RAB3C: variants seen among roughly 807,000 people sequenced by gnomAD.
RAB3C encodes RAB3C, member RAS oncogene family.
A neutral mutation model predicts 26.4 loss-of-function variants in RAB3C; 17 were observed. The observed-to-expected ratio is 0.64, with a 90% CI of 0.44 to 0.97. RAB3C has a LOEUF of 0.97. Ranked by LOEUF, RAB3C falls within the 50% of genes least tolerant of loss-of-function variation. The probability of loss-of-function intolerance (pLI) is 0.00; values close to 1 mark genes in which losing one functional copy is unlikely to be tolerated. For missense variants in RAB3C, 242 were observed against 281.9 expected (o/e 0.86, Z 1.01); for synonymous variants, 91 against 95.9 (o/e 0.95, Z 0.30).
intron 4 of RAB3C, among the ~76,000 whole-genome samples, chr5:58,850,752 A>C (rs1342819830): frequency 1.3e-5 from 2 of 152,224 alleles, no homozygotes; most frequent in East Asian, 3.8e-4. Context: ...AAGAGTCTAC[A>C]TGGTGCGCTA....
At chr5:58,745,518 C>T (rs1741385861) in intron 3 of RAB3C, among the ~76,000 whole-genome samples, 1 of 151,940 alleles carries the variant, frequency 6.6e-6, no homozygotes, top group Admixed American at 6.6e-5. Flanking sequence ...CTGATACTTC[C>T]ATTCTTCCAT....
intron 3 of RAB3C, among the ~76,000 whole-genome samples, chr5:58,743,565 G>A (rs1741326799): frequency 6.6e-6 from 1 of 151,930 alleles, no homozygotes; most frequent in South Asian, 2.1e-4. Context: ...CTCCCCCTTG[G>A]CCCCCAGCTC....
intron 2 of RAB3C, among the ~76,000 whole-genome samples, chr5:58,696,608 T>G (rs1341899198): frequency 6.6e-6 from 1 of 152,218 alleles, no homozygotes; most frequent in African/African-American, 2.4e-5. Context: ...AGCCTGTTAT[T>G]GGTCTATTCA....
chr5:58,665,943 G>T (rs904281681), intron 2 of RAB3C, among the ~76,000 whole-genome samples: 23 of 152,096 alleles, frequency 1.5e-4, no homozygotes, highest in Non-Finnish European at 3.1e-4. Flanking sequence ...GGAGTCAGTG[G>T]GAAACGTGCA....
chr5:58,785,373 G>A lies in RAB3C; in HGVS notation c.372-39665G>A, dbSNP rs139277506. ...GACAGATTGGCAACCCCTGCACTAA[G>A]TGATTTTGCTAAATTATTTAACCTC... is the stretch of plus-strand genomic sequence containing the variant. On this transcript the variant is annotated intron_variant, in intron 3 of 4. Transcript: ENST00000282878. Among the ~76,000 whole-genome samples, 121 of 152,328 alleles carry A rather than the reference G, an allele frequency of 7.9e-4. 2 individuals are homozygous for A. In the East Asian group the frequency reaches 0.02, roughly 25 times the overall value.
At chr5:58,600,486 C>G (rs1242532465) in intron 1 of RAB3C, among the ~76,000 whole-genome samples, 1 of 151,980 alleles carries the variant, frequency 6.6e-6, no homozygotes, top group Non-Finnish European at 1.5e-5. Context: ...GGATGTGTTT[C>G]CATTTGTTTG....
upstream of RAB3C, chr5:58,582,361 C>G: frequency 2.0e-6 from 2 of 983,508 alleles, no homozygotes; most frequent in Non-Finnish European, 2.4e-6. Flanking sequence ...TCCTTTGTAG[C>G]GAGGGCACTT....
At chr5:58,700,715 A>G (rs1166283141) in intron 2 of RAB3C, among the ~76,000 whole-genome samples, 5 of 152,344 alleles carry the variant, frequency 3.3e-5, no homozygotes, top group African/African-American at 9.6e-5. Flanking sequence ...TATTTGATGC[A>G]TAGGTGTGTA....
At chr5:58,599,952 A>G (rs952852840) in intron 1 of RAB3C, among the ~76,000 whole-genome samples, 2 of 152,100 alleles carry the variant, frequency 1.3e-5, no homozygotes, top group Non-Finnish European at 1.5e-5. Context: ...GGTTTTTCCA[A>G]TGTTATCTTC....
chr5:58,764,395 T>C (rs1741856032), intron 3 of RAB3C, among the ~76,000 whole-genome samples: 1 of 152,310 alleles, frequency 6.6e-6, no homozygotes, highest in South Asian at 2.1e-4. Flanking sequence ...GGAACCCACA[T>C]GATCACTTGT....
intron 4 of RAB3C, among the ~76,000 whole-genome samples, chr5:58,837,592 T>C (rs1743779525): frequency 6.9e-6 from 1 of 144,668 alleles, no homozygotes; most frequent in African/African-American, 2.6e-5. Context: ...AAGGTCTTAC[T>C]CTGTCACCCA....
chr5:58,592,973 A>C (rs935670655), intron 1 of RAB3C, among the ~76,000 whole-genome samples: 1 of 152,146 alleles, frequency 6.6e-6, no homozygotes, highest in Admixed American at 6.5e-5. Context: ...AAATATATTT[A>C]GCCATTACAT....
intron 3 of RAB3C, among the ~76,000 whole-genome samples, chr5:58,751,005 T>G (rs1741511234): frequency 6.6e-6 from 1 of 152,070 alleles, no homozygotes; most frequent in South Asian, 2.1e-4. Context: ...CAGGTGCCCG[T>G]CACCACACCC....
intron 3 of RAB3C, among the ~76,000 whole-genome samples, chr5:58,765,944 C>T (rs73104337): frequency 1.3e-5 from 2 of 152,048 alleles, no homozygotes; most frequent in Admixed American, 1.3e-4. Flanking sequence ...GCACCTCCCC[C>T]TGCCCACTCT....
intron 2 of RAB3C, among the ~76,000 whole-genome samples, chr5:58,679,821 A>G (rs1166408774): frequency 1.3e-5 from 2 of 152,234 alleles, no homozygotes; most frequent in Non-Finnish European, 2.9e-5. Context: ...TGCACGGTAA[A>G]ATAAGCAGAG....
rs919568947 is a variant in RAB3C at position 58,854,244 on chromosome 5, G to A, written c.*2893G>A. On this transcript the variant is annotated 3_prime_UTR_variant, in exon 5 of 5. Coordinates refer to ENST00000282878, the MANE Select transcript of RAB3C (RefSeq NM_138453.4). ...TTGTCTTTGATTTAATTAAATTAGT[G>A]TTTTAAGTATGAATTTATTTTCCTT... is the stretch of plus-strand genomic sequence containing the variant. 1 of 152,118 alleles carries A rather than the reference G, an allele frequency of 6.6e-6. No homozygotes were observed. Among genetic ancestry groups the A allele is most frequent in the African/African-American group, 2.4e-5 (1 of 41,428 alleles). 9.4% of individuals were successfully genotyped at this position (152,118 alleles called of 1,614,324 possible). A position where few individuals can be genotyped will look rare whatever the true frequency, so the allele number is the denominator to read the frequency against.
At position 58,725,982 on chromosome 5, in the gene RAB3C, A is replaced by AC. The variant is rs1740880951; in HGVS notation, c.253-20_253-19insC. ...ATTGCCTTATTTCTGAGAGATTATCATTTTTTTTTTATTCTTTAGGACACA... is the reference window on the plus strand; with the variant it reads ...ATTGCCTTATTTCTGAGAGATTATCACTTTTTTTTTTATTCTTTAGGACACA... On this transcript the variant is annotated intron_variant, in intron 2 of 4. Transcript: ENST00000282878. 1 of 1,204,314 alleles carries AC rather than the reference A, an allele frequency of 8.3e-7. No individual in the cohort carries two copies. The highest frequency in any genetic ancestry group is 1.1e-6 in the Non-Finnish European group (1 of 869,616). 74.6% of individuals were successfully genotyped at this position (1,204,314 alleles called of 1,614,324 possible). A position where few individuals can be genotyped will look rare whatever the true frequency, so the allele number is the denominator to read the frequency against.
At chr5:58,755,135 G>A (rs758502828) in intron 3 of RAB3C, among the ~76,000 whole-genome samples, 1 of 152,202 alleles carries the variant, frequency 6.6e-6, no homozygotes, top group Admixed American at 6.5e-5. Context: ...GAAGAGGGCT[G>A]TATTTCCAAG....
intron 3 of RAB3C, among the ~76,000 whole-genome samples, chr5:58,792,897 A>G (rs1742561314): frequency 6.6e-6 from 1 of 152,126 alleles, no homozygotes; most frequent in African/African-American, 2.4e-5. Context: ...GTTAGAATTT[A>G]CACTAAGAAA....
Sources: allele counts gnomAD v4.1 joint callset (sites outside exome capture counted in the v4.1 genomes callset), GRCh38; gene constraint gnomAD v4.1.1; transcripts MANE v1.5; gene names NCBI Gene and HGNC (gene_info 2026-07-23, HGNC 2026-07-21).